EIF3H: variants seen among roughly 807,000 people sequenced by gnomAD.
EIF3H encodes eukaryotic translation initiation factor 3 subunit H, also known as eIF-3-gamma.
A neutral mutation model predicts 44.2 loss-of-function variants in EIF3H; 26 were observed. The ratio of observed to expected loss-of-function variants is 0.59; its 90% confidence interval spans 0.43 to 0.82. The LOEUF (loss-of-function observed/expected upper bound fraction) is 0.82. Among genes scored for constraint, EIF3H ranks in the 40% least tolerant of loss-of-function variants. The pLI is 0.00. For synonymous variants in EIF3H, 166 were observed against 151.9 expected (o/e 1.09, Z -0.68); for missense variants, 359 against 432.8 (o/e 0.83, Z 1.51).
chr8:116,659,337 T>A (rs920011437), intron 2 of EIF3H, among the ~76,000 whole-genome samples: 4 of 152,220 alleles, frequency 2.6e-5, no homozygotes, highest in African/African-American at 9.7e-5. Flanking sequence ...ACTAAATTGG[T>A]TGGTTGTAAG....
chr8:116,697,754 C>G (rs2130873713), intron 2 of EIF3H, among the ~76,000 whole-genome samples: 1 of 152,222 alleles, frequency 6.6e-6, no homozygotes, highest in Admixed American at 6.5e-5. Flanking sequence ...TCAACTGGCC[C>G]TGATTACTTT....
At chr8:116,694,162 T>C (rs1030102198) in intron 2 of EIF3H, among the ~76,000 whole-genome samples, 3 of 152,036 alleles carry the variant, frequency 2.0e-5, no homozygotes, top group Non-Finnish European at 2.9e-5. Context: ...TTTTTTTACA[T>C]TGCCAAACTT....
At chr8:116,657,361 C>T (rs763499851) in intron 3 of EIF3H, 47 bp from the exon 4 acceptor site, 164 of 1,452,296 alleles carry the variant, frequency 1.1e-4, no homozygotes, top group Middle Eastern at 1.7e-4. Context: ...TTGTCACTGC[C>T]AGGCTTGAAT....
intron 2 of EIF3H, among the ~76,000 whole-genome samples, chr8:116,690,581 C>T (rs1814157495): frequency 6.6e-6 from 1 of 152,108 alleles, no homozygotes; most frequent in East Asian, 1.9e-4. Context: ...AGCTAAGGCA[C>T]TTACTGAAAA....
upstream of EIF3H, chr8:116,755,825 AAC>A: frequency 3.7e-6 from 6 of 1,610,172 alleles, no homozygotes; most frequent in Non-Finnish European, 5.1e-6. Flanking sequence ...AAGAAAGAGA[AAC>A]GTGAGTTACC....
intron 1 of EIF3H, among the ~76,000 whole-genome samples, chr8:116,750,951 G>T (rs909053312): frequency 1.8e-4 from 27 of 151,818 alleles, no homozygotes; most frequent in Non-Finnish European, 3.5e-4. Flanking sequence ...GGTGGCTCAC[G>T]CCTGTAATCC....
intron 1 of EIF3H, among the ~76,000 whole-genome samples, chr8:116,752,724 G>A (rs1021790507): frequency 8.3e-6 from 1 of 120,382 alleles, no homozygotes; most frequent in Non-Finnish European, 1.7e-5. Context: ...AAGAAAGAAA[G>A]AAAGAAAGAA....
At chr8:116,662,933 C>G (rs1415418667) in intron 2 of EIF3H, among the ~76,000 whole-genome samples, 1 of 152,144 alleles carries the variant, frequency 6.6e-6, no homozygotes, top group African/African-American at 2.4e-5. Context: ...TGTGGCTATG[C>G]TAGTTTCTCT....
chr8:116,686,810 G>C (rs1586456367), intron 2 of EIF3H, among the ~76,000 whole-genome samples: 1 of 151,892 alleles, frequency 6.6e-6, no homozygotes, highest in Admixed American at 6.6e-5. Flanking sequence ...AAAATAAAAA[G>C]TGAAAGCAGT....
At chr8:116,744,971 C>T (rs1263416994) in intron 1 of EIF3H, among the ~76,000 whole-genome samples, 1 of 152,152 alleles carries the variant, frequency 6.6e-6, no homozygotes, top group African/African-American at 2.4e-5. Flanking sequence ...AGCATTGCTG[C>T]CAAGACTTAA....
chr8:116,698,486 TA>T (rs1387186362), intron 2 of EIF3H, among the ~76,000 whole-genome samples: 1 of 152,210 alleles, frequency 6.6e-6, no homozygotes, highest in Non-Finnish European at 1.5e-5. Context: ...AAAACAGATC[TA>T]AATAATGTCA....
At chr8:116,673,350 C>T (rs1813789542) in intron 2 of EIF3H, among the ~76,000 whole-genome samples, 1 of 152,248 alleles carries the variant, frequency 6.6e-6, no homozygotes, top group Admixed American at 6.5e-5. Context: ...TGATTCCGAT[C>T]CTTTAAAGCT....
At chr8:116,738,485 T>G (rs1186824531) in intron 1 of EIF3H, among the ~76,000 whole-genome samples, 1 of 152,198 alleles carries the variant, frequency 6.6e-6, no homozygotes, top group African/African-American at 2.4e-5. Flanking sequence ...CCAGAAAATA[T>G]GCACATATAC....
intron 2 of EIF3H, among the ~76,000 whole-genome samples, chr8:116,677,462 C>A (rs895524802): frequency 6.6e-6 from 1 of 152,172 alleles, no homozygotes; most frequent in South Asian, 2.1e-4. Flanking sequence ...GTCCTAATGT[C>A]CCCCATGATT....
intron 1 of EIF3H, among the ~76,000 whole-genome samples, chr8:116,739,536 G>C (rs1815097076): frequency 6.6e-6 from 1 of 152,234 alleles, no homozygotes; most frequent in Admixed American, 6.5e-5. Flanking sequence ...TGCAGTCCCA[G>C]CTACTCGGGA....
intron 1 of EIF3H, among the ~76,000 whole-genome samples, chr8:116,735,836 T>C (rs1036081737): frequency 5.3e-5 from 8 of 150,300 alleles, no homozygotes; most frequent in Admixed American, 1.3e-4. Flanking sequence ...TAAAGGAGGC[T>C]GGGAGGGTCT....
chr8:116,677,061 G>A (rs1488495630), intron 2 of EIF3H, among the ~76,000 whole-genome samples: 4 of 152,114 alleles, frequency 2.6e-5, no homozygotes, highest in African/African-American at 7.2e-5. Context: ...GGAAAGGGGA[G>A]AAATTCCTGA....
At chr8:116,650,035 T>C (rs1456369782) in intron 5 of EIF3H, among the ~76,000 whole-genome samples, 2 of 152,166 alleles carry the variant, frequency 1.3e-5, no homozygotes, top group East Asian at 1.9e-4. Flanking sequence ...CAAGCACATG[T>C]AGGAAGCTCA....
intron 7 of EIF3H, 141 bp downstream of exon 7, chr8:116,646,330 G>C (rs1813297985): frequency 1.6e-6 from 2 of 1,216,366 alleles, no homozygotes. Flanking sequence ...GATATTACAG[G>C]TGCTAGATTC....
Sources: allele counts gnomAD v4.1 joint callset (sites outside exome capture counted in the v4.1 genomes callset), GRCh38; gene constraint gnomAD v4.1.1; transcripts MANE v1.5; gene names NCBI Gene and HGNC (gene_info 2026-07-23, HGNC 2026-07-21).